P2RX3: variants seen among roughly 807,000 people sequenced by gnomAD.
P2RX3 encodes P2X purinoceptor 3.
Under a neutral mutation model 51.5 loss-of-function variants are expected in P2RX3, and 41 were observed. The ratio of observed to expected loss-of-function variants is 0.80; its 90% CI spans 0.62 to 1.03. The LOEUF is 1.03. Ranked by LOEUF, P2RX3 falls within the 50% of genes least tolerant of loss-of-function variation. P2RX3 has a pLI of 0.00. For missense variants in P2RX3, 459 were observed against 522.1 expected (o/e 0.88, Z 1.18); for synonymous variants, 185 against 191.6 (o/e 0.97, Z 0.29).
chr11:57,359,887 G>A (rs1020944974), intron 8 of P2RX3, among the ~76,000 whole-genome samples: 1 of 152,206 alleles, frequency 6.6e-6, no homozygotes, highest in Non-Finnish European at 1.5e-5. Flanking sequence ...TTAAGAGAAA[G>A]CTGTGTGCTA....
chr11:57,359,460 A>C (rs1856682642), intron 8 of P2RX3, among the ~76,000 whole-genome samples: 1 of 152,184 alleles, frequency 6.6e-6, no homozygotes, highest in Non-Finnish European at 1.5e-5. Context: ...TCTGGGCTCC[A>C]GTGGCCCTTC....
Position 57,350,902 on chromosome 11 carries a change from A to G in P2RX3, c.842+4A>G. Reference sequence around the variant, plus strand: ...TGTCCCCAGGCTACAACTTCAGGTAATTCCCTGTCTCCTGGGACACCAGGA... The same window carrying G: ...TGTCCCCAGGCTACAACTTCAGGTAGTTCCCTGTCTCCTGGGACACCAGGA... On this transcript the variant is annotated splice_donor_region_variant and intron_variant, in intron 8 of 11. Transcript: ENST00000263314. The G allele has an allele frequency of 6.2e-7, 1 of 1,614,112 alleles. No homozygotes were observed. Among genetic ancestry groups the G allele is most frequent in the Non-Finnish European group, 8.5e-7 (1 of 1,180,028 alleles).
At chr11:57,369,496 G>A in intron 11 of P2RX3, 58 bp downstream of exon 11, 1 of 1,520,448 alleles carries the variant, frequency 6.6e-7, no homozygotes, top group Non-Finnish European at 8.9e-7. Flanking sequence ...GCAGGCAGGG[G>A]CAGGGACTCT....
In P2RX3 at chr11:57,349,752, C is replaced by T. The variant is rs777199207; in HGVS notation, c.564-5C>T. On this transcript the variant is annotated splice_polypyrimidine_tract_variant and splice_region_variant and intron_variant, in intron 6 of 11. Coordinates refer to ENST00000263314, the MANE Select transcript of P2RX3 (RefSeq NM_002559.5). Reference sequence around the variant, plus strand: ...GGGCTGACCTCTCTCTCTGCTCCTCCCCAGGGGAAACCTCCTTCCCAACCT... The same window carrying T: ...GGGCTGACCTCTCTCTCTGCTCCTCTCCAGGGGAAACCTCCTTCCCAACCT... 8.7e-6 allele frequency: 14 copies of T among 1,614,064 alleles called. No individual in the cohort carries two copies. In the South Asian group the frequency reaches 1.5e-4, roughly 18 times the overall value.
At chr11:57,369,313 C>G (rs1266783107) in intron 10 of P2RX3, 48 bp from the exon 11 acceptor site, 54 of 1,571,620 alleles carry the variant, frequency 3.4e-5, no homozygotes, top group Non-Finnish European at 4.7e-5. Context: ...CCTGATCCCA[C>G]CCAACCCAGG....
chr11:57,362,803 T>C (rs1250667121), intron 8 of P2RX3, among the ~76,000 whole-genome samples: 1 of 152,170 alleles, frequency 6.6e-6, no homozygotes, highest in Non-Finnish European at 1.5e-5. Context: ...AATGGGGTGG[T>C]TGTGAGCATT....
chr11:57,365,553 G>C (rs1856785196), intron 8 of P2RX3, among the ~76,000 whole-genome samples: 1 of 152,226 alleles, frequency 6.6e-6, no homozygotes, highest in African/African-American at 2.4e-5. Flanking sequence ...ACAGAGAATG[G>C]CTGTGGAGGA....
intron 8 of P2RX3, among the ~76,000 whole-genome samples, chr11:57,367,108 G>C (rs976859284): frequency 9.2e-5 from 14 of 151,752 alleles, no homozygotes; most frequent in Non-Finnish European, 5.9e-5. Context: ...ACAACAATGG[G>C]TTTCCTGAGT....
intron 8 of P2RX3, among the ~76,000 whole-genome samples, chr11:57,358,268 C>T (rs1471415971): frequency 4.6e-5 from 7 of 152,106 alleles, no homozygotes; most frequent in African/African-American, 1.4e-4. Flanking sequence ...ATTCAGGCAT[C>T]GGCAGGGAAA....
chr11:57,339,135 A>C (rs74506180), intron 1 of P2RX3, among the ~76,000 whole-genome samples: 2,492 of 152,272 alleles, frequency 0.016, 45 homozygotes, highest in Middle Eastern at 0.044. Flanking sequence ...TGGCAGGTTG[A>C]TCAAGTTGGT....
At chr11:57,354,758 T>A (rs1003942332) in intron 8 of P2RX3, among the ~76,000 whole-genome samples, 1 of 151,972 alleles carries the variant, frequency 6.6e-6, no homozygotes, top group Non-Finnish European at 1.5e-5. Context: ...CGTGAGTGTA[T>A]AGGCATTGAT....
At chr11:57,354,622 T>C (rs576333229) in intron 8 of P2RX3, among the ~76,000 whole-genome samples, 1 of 152,158 alleles carries the variant, frequency 6.6e-6, no homozygotes, top group Non-Finnish European at 1.5e-5. Flanking sequence ...CCCAAAGTCC[T>C]GGGAACAGGT....
At chr11:57,348,112 G>A in intron 4 of P2RX3, 58 bp from the exon 5 acceptor site, 3 of 1,431,196 alleles carry the variant, frequency 2.1e-6, no homozygotes, top group Admixed American at 2.1e-5. Flanking sequence ...GAGGGAGGAA[G>A]GAAAGGGAGA....
chr11:57,350,189 C>A, intron 7 of P2RX3: 1 of 430,890 alleles, frequency 2.3e-6, no homozygotes, highest in African/African-American at 2.0e-5. Context: ...AAGCCCCAAA[C>A]GACGGGAAAG....
chr11:57,350,037 T>A, intron 7 of P2RX3, 139 bp downstream of exon 7: 3 of 1,333,200 alleles, frequency 2.3e-6, no homozygotes, highest in African/African-American at 2.9e-5. Flanking sequence ...AGGCCGCCAC[T>A]GGCTTTGTGC....
chr11:57,345,470 C>A (rs554598426), intron 1 of P2RX3, among the ~76,000 whole-genome samples: 3 of 152,090 alleles, frequency 2.0e-5, no homozygotes, highest in African/African-American at 7.2e-5. Context: ...ATTTTCTAAA[C>A]GTATTTGATG....
rs1051790876 is a variant in P2RX3 at position 57,369,585 on chromosome 11, G to T, written c.1080+147G>T. On this transcript the variant is annotated intron_variant, in intron 11 of 11. Coordinates refer to ENST00000263314, the MANE Select transcript of P2RX3 (RefSeq NM_002559.5). ...ATATTTGGGGTCCAGACAAGGGAAG[G>T]CTTGGCCAAGACTGGGCTCTGCAGA... 13 of 769,744 alleles carry T rather than the reference G, an allele frequency of 1.7e-5. No individual in the cohort carries two copies. In the African/African-American group the frequency reaches 2.3e-4, roughly 14 times the overall value. 47.7% of individuals were successfully genotyped at this position (769,744 alleles called of 1,614,324 possible).
Position 57,347,106 on chromosome 11 carries a change from T to C in P2RX3, c.256-10T>C. The C allele has an allele frequency of 2.5e-6, 4 of 1,612,942 alleles. No individual in the cohort carries two copies. Among genetic ancestry groups the C allele is most frequent in the Non-Finnish European group, 3.4e-6 (4 of 1,179,380 alleles). ...TTGGATGTTTTTCTCTCCCTTCTTC[T>C]CCTCCCAAGGGCACCTCGGTCTTTG... On this transcript the variant is annotated splice_polypyrimidine_tract_variant and intron_variant, in intron 2 of 11. Coordinates refer to ENST00000263314, the MANE Select transcript of P2RX3 (RefSeq NM_002559.5).
chr11:57,355,334 C>CTTTTTTTT (rs1201675322), intron 8 of P2RX3, among the ~76,000 whole-genome samples: 1 of 117,344 alleles, frequency 8.5e-6, no homozygotes, highest in Non-Finnish European at 1.8e-5. Context: ...TATTTTATTT[C>CTTTTTTTT]TTTTTTTTTT....
Sources: gnomAD v4.1 joint callset for allele counts (sites outside exome capture counted in the v4.1 genomes callset) on GRCh38, gnomAD v4.1.1 for gene constraint, MANE v1.5 for transcripts, NCBI Gene and HGNC (gene_info 2026-07-23, HGNC 2026-07-21) for gene names.